Variants in KCNQ1OT1 observed in about 807,000 individuals in gnomAD.
KCNQ1OT1 encodes KCNQ1 opposite strand/antisense transcript 1.
At chr11:2,646,503 C>G (rs1849668384) in exon 1 of KCNQ1OT1, 3 of 398,402 alleles carry the variant, frequency 7.5e-6, no homozygotes, top group Non-Finnish European at 1.3e-5. Context: ...TTTGCTGTTT[C>G]ACAGAAATGC....
exon 1 of KCNQ1OT1, chr11:2,649,963 G>T (rs887847719): frequency 2.5e-6 from 1 of 398,398 alleles, no homozygotes; most frequent in Non-Finnish European, 4.4e-6. Context: ...CATATGTCAC[G>T]CAGGCATTCT....
chr11:2,654,240 G>C lies in KCNQ1OT1; in HGVS notation n.45755C>G. The C allele has an allele frequency of 5.0e-6, 2 of 398,744 alleles. No homozygotes were observed. Among genetic ancestry groups the C allele is most frequent in the Non-Finnish European group, 8.8e-6 (2 of 226,186 alleles). 24.7% of individuals were successfully genotyped at this position (398,744 alleles called of 1,614,324 possible). ...CTGCAGCTGTCCGGATGCCCCTGGG[G>C]AGGGCTTCTCCTTCACAGTGCAGGA... On this transcript the variant is annotated non_coding_transcript_exon_variant, in exon 1 of 1. Transcript: ENST00000597346. The surrounding 1 kb of genome is among the most constrained non-coding windows in gnomAD (Gnocchi z 6.4).
At chr11:2,636,669 G>T (rs1166420844) in exon 1 of KCNQ1OT1, 11 of 152,064 alleles carry the variant, frequency 7.2e-5, no homozygotes, top group Admixed American at 1.3e-4. Context: ...GTCTCTGCCA[G>T]GCTTTGGTAT....
chr11:2,688,136 G>A, exon 1 of KCNQ1OT1: 1 of 398,816 alleles, frequency 2.5e-6, no homozygotes. Context: ...AGGCTGAGGT[G>A]GAGAGACCCC....
exon 1 of KCNQ1OT1, chr11:2,688,317 TCACA>T (rs1336320032): frequency 2.5e-6 from 1 of 398,636 alleles, no homozygotes; most frequent in Non-Finnish European, 4.4e-6. Flanking sequence ...TCTAAGCACG[TCACA>T]CACACAGCTT....
chr11:2,640,568 T>TA (rs1849557617), exon 1 of KCNQ1OT1: 1 of 387,236 alleles, frequency 2.6e-6, no homozygotes, highest in African/African-American at 2.1e-5. Flanking sequence ...TTTCCTTTTT[T>TA]TTTTTTTTTT....
At chr11:2,643,173 T>C (rs1247911590) in exon 1 of KCNQ1OT1, 2 of 398,200 alleles carry the variant, frequency 5.0e-6, no homozygotes, top group Non-Finnish European at 8.9e-6. Flanking sequence ...GTCTGTTAGG[T>C]CCATTTGGTA....
exon 1 of KCNQ1OT1, chr11:2,640,916 A>C: frequency 2.5e-6 from 1 of 399,466 alleles, no homozygotes. Context: ...ATATGATAAT[A>C]ACATAAGATA....
Position 2,674,069 on chromosome 11 carries a change from G to A in KCNQ1OT1, n.25926C>T. On this transcript the variant is annotated non_coding_transcript_exon_variant, in exon 1 of 1. Coordinates refer to ENST00000597346, the Ensembl canonical transcript of KCNQ1OT1. This position sits in a 1 kb window ranked among gnomAD's most constrained non-coding sequence, Gnocchi z 5.9. ...ATTTGTACTTGCTGGCTGCCCCATG[G>A]GGGCTTGGGCTAGGTCTCCCTGCCG... 2.5e-6 allele frequency: 1 copy of A among 398,684 alleles called. No homozygotes were observed. 24.7% of individuals were successfully genotyped at this position (398,684 alleles called of 1,614,324 possible).
At chr11:2,649,717 G>GT in exon 1 of KCNQ1OT1, 1 of 398,446 alleles carries the variant, frequency 2.5e-6, no homozygotes, top group Non-Finnish European at 4.4e-6. Flanking sequence ...CTTCTCTCTT[G>GT]TTTTTTAAAT....
chr11:2,618,046 C>T (rs1849097419), exon 1 of KCNQ1OT1: 3 of 398,286 alleles, frequency 7.5e-6, no homozygotes, highest in Non-Finnish European at 1.3e-5. Flanking sequence ...TGATGGTATA[C>T]CAATTATTTG....
In KCNQ1OT1 at chr11:2,658,074, G is replaced by A; in HGVS notation, n.41921C>T. On this transcript the variant is annotated non_coding_transcript_exon_variant, in exon 1 of 1. Transcript: ENST00000597346. This position sits in a 1 kb window ranked among gnomAD's most constrained non-coding sequence, Gnocchi z 4.9. The stretch of plus-strand genomic sequence containing the variant: ...TATAGCCCACACTCAAGGTGGGGAA[G>A]GGAGGGGTTCAACTCTACCTCCTGC... 1 of 398,580 alleles carries A rather than the reference G, an allele frequency of 2.5e-6. No homozygotes were observed. Among genetic ancestry groups the A allele is most frequent in the Non-Finnish European group, 4.4e-6 (1 of 226,040 alleles). 24.7% of individuals were successfully genotyped at this position (398,580 alleles called of 1,614,324 possible). A position where few individuals can be genotyped will look rare whatever the true frequency, so the allele number is the denominator to read the frequency against.
At position 2,654,871 on chromosome 11, in the gene KCNQ1OT1, T is replaced by C. The variant is rs1441971549; in HGVS notation, n.45124A>G. 15 of 398,404 alleles carry C rather than the reference T, an allele frequency of 3.8e-5. No homozygotes were observed. The highest frequency in any genetic ancestry group is 1.3e-4 in the Admixed American group (3 of 22,708). The allele number at this position is 398,404 out of a possible 1,614,324, so 24.7% of individuals were successfully genotyped here. A position where few individuals can be genotyped will look rare whatever the true frequency, so the allele number is the denominator to read the frequency against. ...CAGCTCCAGGCCAGGTGGAGGGACA[T>C]ATTCTGGCAACTCTAGGATAAGATG... On this transcript the variant is annotated non_coding_transcript_exon_variant, in exon 1 of 1. Transcript: ENST00000597346. This position sits in a 1 kb window ranked among gnomAD's most constrained non-coding sequence, Gnocchi z 6.4.
Position 2,661,827 on chromosome 11 carries a change from C to A in KCNQ1OT1, n.38168G>T. The A allele has an allele frequency of 7.1e-5, 72 of 1,016,032 alleles. No individual in the cohort carries two copies. Among genetic ancestry groups the A allele is most frequent in the Non-Finnish European group, 1.0e-4 (68 of 656,306 alleles). The allele number at this position is 1,016,032 out of a possible 1,614,324, so 62.9% of individuals were successfully genotyped here. A position where few individuals can be genotyped will look rare whatever the true frequency, so the allele number is the denominator to read the frequency against. ...CCCACCCCAACACCCAACTATAAAA[C>A]TGATTGTCAGGGCTGGAGCTTCCAG... is the stretch of plus-strand genomic sequence containing the variant. On this transcript the variant is annotated non_coding_transcript_exon_variant, in exon 1 of 1. Transcript: ENST00000597346. The surrounding 1 kb of genome is among the most constrained non-coding windows in gnomAD (Gnocchi z 5.9).
At chr11:2,672,273 C>T (rs1011549750) in exon 1 of KCNQ1OT1, 8 of 398,570 alleles carry the variant, frequency 2.0e-5, no homozygotes, top group South Asian at 1.3e-4. Flanking sequence ...AACTGCCCCA[C>T]GAACCCCACC....
At chr11:2,650,923 CTT>C (rs1392544681) in exon 1 of KCNQ1OT1, 1 of 398,492 alleles carries the variant, frequency 2.5e-6, no homozygotes, top group Non-Finnish European at 4.4e-6. Context: ...GGCTGAAAGT[CTT>C]TTTTAAATTA....
rs1235534639 is a variant in KCNQ1OT1 at position 2,683,664 on chromosome 11, A to G, written n.16331T>C. ...TGCAAGGAACATCCCTTACTTTCCC[A>G]TCTCAATACAACTGTGAAAAGCCTA... On this transcript the variant is annotated non_coding_transcript_exon_variant, in exon 1 of 1. Transcript: ENST00000597346. The surrounding 1 kb of genome is among the most constrained non-coding windows in gnomAD (Gnocchi z 4.7). 2 of 398,460 alleles carry G rather than the reference A, an allele frequency of 5.0e-6. No individual in the cohort carries two copies. Among genetic ancestry groups the G allele is most frequent in the Admixed American group, 8.8e-5 (2 of 22,706 alleles). 24.7% of individuals were successfully genotyped at this position (398,460 alleles called of 1,614,324 possible).
exon 1 of KCNQ1OT1, chr11:2,640,669 T>A: frequency 2.5e-6 from 1 of 398,474 alleles, no homozygotes; most frequent in Non-Finnish European, 4.4e-6. Context: ...CACCCTCAAT[T>A]TATCATCTCT....
Position 2,668,651 on chromosome 11 carries a change from T to G in KCNQ1OT1, n.31344A>C, listed in dbSNP as rs1348419735. 2.5e-6 allele frequency: 1 copy of G among 398,490 alleles called. No homozygotes were observed. Among genetic ancestry groups the G allele is most frequent in the African/African-American group, 2.1e-5 (1 of 48,616 alleles). 24.7% of individuals were successfully genotyped at this position (398,490 alleles called of 1,614,324 possible). A position where few individuals can be genotyped will look rare whatever the true frequency, so the allele number is the denominator to read the frequency against. On this transcript the variant is annotated non_coding_transcript_exon_variant, in exon 1 of 1. Transcript: ENST00000597346. The surrounding 1 kb of genome is among the most constrained non-coding windows in gnomAD (Gnocchi z 4.3). Reference sequence around the variant, plus strand: ...ATGTTTATTTATGGTCCTATATATCTTTAGATATTCTGGAGTCATTTGTCA... The same window carrying G: ...ATGTTTATTTATGGTCCTATATATCGTTAGATATTCTGGAGTCATTTGTCA...
Sources: allele counts gnomAD v4.1 joint callset, GRCh38; gene constraint gnomAD v4.1.1; non-coding constraint Gnocchi (gnomAD v3.1); transcripts MANE v1.5; gene names NCBI Gene and HGNC (gene_info 2026-07-23, HGNC 2026-07-21).